The following FBXW7 variants were observed in gnomAD, a reference collection of about 807,000 sequenced individuals.
The protein encoded by FBXW7 is F-box and WD repeat domain containing 7, also known as F-box/WD repeat-containing protein 7.
Under a neutral mutation model 86.3 loss-of-function variants are expected in FBXW7, and 11 were observed. The ratio of observed to expected loss-of-function variants is 0.13; its 90% CI spans 0.08 to 0.21. FBXW7 has a LOEUF of 0.21. Among genes scored for constraint, FBXW7 ranks in the 10% least tolerant of loss-of-function variants. FBXW7 has a pLI of 1.00. For missense variants in FBXW7, 488 were observed against 847.4 expected, an observed-to-expected ratio of 0.58 and a Z score of 5.27; for synonymous variants, 313 against 297.9, an observed-to-expected ratio of 1.05 and a Z score of -0.52.
At chr4:152,375,907 C>G (rs1164549160) in intron 4 of FBXW7, among the ~76,000 whole-genome samples, 1 of 151,864 alleles carries the variant, frequency 6.6e-6, no homozygotes, top group Non-Finnish European at 1.5e-5. Context: ...TTATGCATAA[C>G]GATGTTCAAA....
intron 4 of FBXW7, among the ~76,000 whole-genome samples, chr4:152,366,483 T>G (rs759903031): frequency 6.6e-6 from 1 of 152,294 alleles, no homozygotes; most frequent in African/African-American, 2.4e-5. Context: ...ACCTCCATTT[T>G]ACTGACAAGA....
intron 2 of FBXW7, among the ~76,000 whole-genome samples, chr4:152,495,937 G>A (rs1746299541): frequency 6.6e-6 from 1 of 152,196 alleles, no homozygotes; most frequent in African/African-American, 2.4e-5. Context: ...AGCACTCTGG[G>A]AAGCCAAGGC....
At chr4:152,517,218 G>A (rs1288102101) in intron 2 of FBXW7, among the ~76,000 whole-genome samples, 3 of 152,004 alleles carry the variant, frequency 2.0e-5, no homozygotes, top group Non-Finnish European at 2.9e-5. Context: ...TGGAGGGGTG[G>A]TTTTTTTAAA....
chr4:152,327,668 T>C (rs1729173465), intron 11 of FBXW7, among the ~76,000 whole-genome samples: 2 of 151,934 alleles, frequency 1.3e-5, no homozygotes, highest in Non-Finnish European at 2.9e-5. Context: ...AGTGACACTA[T>C]CATAATTATA....
In FBXW7 at chr4:152,346,914, T is replaced by G. The variant is rs562939255; in HGVS notation, c.726+16A>C. 6.2e-7 allele frequency: 1 copy of G among 1,610,606 alleles called. No individual in the cohort carries two copies. The highest frequency in any genetic ancestry group is 8.5e-7 in the Non-Finnish European group (1 of 1,178,792). On this transcript the variant is annotated intron_variant, in intron 6 of 13. Transcript: ENST00000281708. ...ATTAAGTGAGGCATTTCAAGTACTATGTTTAGATATGTCACCTGAAACATT... is the reference window on the plus strand; with the variant it reads ...ATTAAGTGAGGCATTTCAAGTACTAGGTTTAGATATGTCACCTGAAACATT...
intron 2 of FBXW7, among the ~76,000 whole-genome samples, chr4:152,430,643 A>AGTG (rs1336112095): frequency 2.6e-5 from 4 of 151,894 alleles, no homozygotes; most frequent in Non-Finnish European, 5.9e-5. Context: ...GGATTTTGTC[A>AGTG]GTGGTGGTGG....
intron 2 of FBXW7, among the ~76,000 whole-genome samples, chr4:152,414,225 A>G (rs1218775264): frequency 6.6e-6 from 1 of 152,154 alleles, no homozygotes; most frequent in Non-Finnish European, 1.5e-5. Flanking sequence ...TTTAAGGCAA[A>G]TTACAGCCTT....
In FBXW7 at chr4:152,522,756, G is replaced by A. The variant is rs189046194; in HGVS notation, c.-120+12185C>T. Among the ~76,000 whole-genome samples the A allele has an allele frequency of 4.2e-3, 633 of 152,212 alleles. 5 individuals carry two copies. The highest frequency in any genetic ancestry group is 6.8e-3 in the Non-Finnish European group (465 of 68,010). On this transcript the variant is annotated intron_variant, in intron 2 of 13. Coordinates refer to ENST00000281708, the MANE Select transcript of FBXW7 (RefSeq NM_001349798.2). ...CTGTTTCGAGCTTCTCATTTACTTCGTTTAATACTAACAAAGAAGTAACCA... is the reference window on the plus strand; with the variant it reads ...CTGTTTCGAGCTTCTCATTTACTTCATTTAATACTAACAAAGAAGTAACCA...
At chr4:152,399,933 C>G (rs555944988) in intron 4 of FBXW7, among the ~76,000 whole-genome samples, 4 of 152,284 alleles carry the variant, frequency 2.6e-5, no homozygotes, top group South Asian at 2.1e-4. Flanking sequence ...CAGCAAGTAA[C>G]AGATATCAAC....
chr4:152,347,098 GAA>G, intron 5 of FBXW7, 27 bp from the exon 6 acceptor site: 1 of 1,562,966 alleles, frequency 6.4e-7, no homozygotes, highest in Non-Finnish European at 8.7e-7. Flanking sequence ...AAGAGAGAGA[GAA>G]AGGATAAAAG....
intron 2 of FBXW7, among the ~76,000 whole-genome samples, chr4:152,517,824 GATT>G (rs1266873889): frequency 3.3e-5 from 5 of 152,244 alleles, no homozygotes; most frequent in African/African-American, 9.6e-5. Flanking sequence ...ACCTGTAGTA[GATT>G]ATGTCAGAGG....
intron 4 of FBXW7, among the ~76,000 whole-genome samples, chr4:152,406,777 G>C (rs774152190): frequency 6.6e-6 from 1 of 152,122 alleles, no homozygotes; most frequent in Non-Finnish European, 1.5e-5. Context: ...GCTTATTACA[G>C]TACTCTTCTA....
At chr4:152,352,349 G>A (rs151102109) in intron 4 of FBXW7, 2 of 1,165,140 alleles carry the variant, frequency 1.7e-6, no homozygotes, top group African/African-American at 3.1e-5. Context: ...CAGAATACCA[G>A]ACATCCAGCC....
rs545387166 is a variant in FBXW7 at position 152,509,131 on chromosome 4, T to C, written c.-120+25810A>G. Among the ~76,000 whole-genome samples, 6 of 152,232 alleles carry C rather than the reference T, an allele frequency of 3.9e-5. No individual in the cohort carries two copies. The South Asian group carries it at 1.2e-3, about 32-fold the overall frequency. On this transcript the variant is annotated intron_variant, in intron 2 of 13. Transcript: ENST00000281708. ...GTTAAAGAAAACTAAGAAAACATGATAACTAAAATACAACACGTGAATAAT... is the reference window on the plus strand; with the variant it reads ...GTTAAAGAAAACTAAGAAAACATGACAACTAAAATACAACACGTGAATAAT...
intron 13 of FBXW7, 191 bp from the exon 14 acceptor site, chr4:152,323,340 A>T (rs1202707128): frequency 1.5e-6 from 1 of 671,730 alleles, no homozygotes; most frequent in Non-Finnish European, 2.4e-6. Context: ...AGTGATTTGT[A>T]ACTGAAACAT....
intron 4 of FBXW7, among the ~76,000 whole-genome samples, chr4:152,401,979 G>A (rs1022039867): frequency 2.6e-5 from 4 of 152,110 alleles, no homozygotes; most frequent in Admixed American, 6.5e-5. Flanking sequence ...CCAGATTGGA[G>A]GGATAGAAGA....
At chr4:152,534,482 TTTG>T (rs1238687263) in intron 2 of FBXW7, among the ~76,000 whole-genome samples, 2 of 151,928 alleles carry the variant, frequency 1.3e-5, no homozygotes, top group African/African-American at 4.8e-5. Flanking sequence ...TCAAAACAGG[TTTG>T]TTGTTGTTTT....
intron 2 of FBXW7, among the ~76,000 whole-genome samples, chr4:152,452,927 A>G (rs1742039784): frequency 6.6e-6 from 1 of 152,348 alleles, no homozygotes; most frequent in South Asian, 2.1e-4. Flanking sequence ...TCACGCCTGT[A>G]ATCCCACCAC....
intron 2 of FBXW7, among the ~76,000 whole-genome samples, chr4:152,527,771 C>G (rs1010489248): frequency 8.6e-5 from 13 of 151,576 alleles, no homozygotes; most frequent in African/African-American, 2.4e-4. Flanking sequence ...AACAAGCAAC[C>G]CTGTCTCTAA....
Sources: gnomAD v4.1 joint callset for allele counts (sites outside exome capture counted in the v4.1 genomes callset) on GRCh38, gnomAD v4.1.1 for gene constraint, MANE v1.5 for transcripts, NCBI Gene and HGNC (gene_info 2026-07-23, HGNC 2026-07-21) for gene names.